PWWP3A: variants seen among roughly 807,000 people sequenced by gnomAD.
PWWP3A encodes the protein PWWP domain-containing DNA repair factor 3A.
In PWWP3A, 53 loss-of-function variants were observed where a neutral mutation model predicts 79.0. The ratio of observed to expected loss-of-function variants is 0.67; its 90% CI spans 0.54 to 0.84. The LOEUF (loss-of-function observed/expected upper bound fraction) is 0.84. Among genes scored for constraint, PWWP3A ranks in the 40% least tolerant of loss-of-function variants. The pLI is 0.00. For synonymous variants in PWWP3A, 443 were observed against 394.4 expected, an observed-to-expected ratio of 1.12 and a Z score of -1.46; for missense variants, 973 against 948.0, an observed-to-expected ratio of 1.03 and a Z score of -0.35.
intron 3 of PWWP3A, chr19:1,358,188 GGA>G: frequency 6.0e-6 from 3 of 496,248 alleles, no homozygotes; most frequent in Admixed American, 3.8e-5. Flanking sequence ...TGTCTTAAAA[GGA>G]AAAAAAAAAA....
At chr19:1,371,972 T>G (rs1007477024) in intron 12 of PWWP3A, 1 of 153,802 alleles carries the variant, frequency 6.5e-6, no homozygotes, top group Non-Finnish European at 1.4e-5. Flanking sequence ...GCCCGGCTAA[T>G]TTTTTGTATT....
chr19:1,361,143 T>C (rs941577093), intron 5 of PWWP3A, 111 bp downstream of exon 5: 2 of 1,116,382 alleles, frequency 1.8e-6, no homozygotes, highest in Non-Finnish European at 2.3e-6. Flanking sequence ...AATGAGATCG[T>C]TGCCAAAATA....
chr19:1,376,294 TGTTTTTTTTTTTGTTTG>T (rs1162374444), intron 13 of PWWP3A, among the ~76,000 whole-genome samples: 19 of 92,832 alleles, frequency 2.0e-4, no homozygotes, highest in Admixed American at 1.7e-3. Flanking sequence ...CCCGGCTGTT[TGTTTTTTTTTTTGTTTG>T]TTTTTTTTTT....
In PWWP3A at chr19:1,360,454, A is replaced by C. The variant is rs780784692; in HGVS notation, c.533A>C (p.Lys178Thr). Residue 178 changes from lysine to threonine, a missense_variant, in exon 5 of 14, where the codon AAG becomes ACG. Lys to Thr is a moderately conservative substitution (Grantham distance 78). Transcript: ENST00000591337. The surrounding 1 kb of genome is among the most constrained non-coding windows in gnomAD (Gnocchi z 4.4). ...KDPECKVDHK[K>T]GLRKSENPRG... is the part of the protein sequence containing the mutation. ...CCCGAGTGCAAAGTGGACCACAAGA[A>C]GGGGCTCAGGAAAAGTGAAAACCCA... 1.2e-6 allele frequency: 2 copies of C among 1,614,152 alleles called. No individual in the cohort carries two copies. The highest frequency in any genetic ancestry group is 1.7e-6 in the Non-Finnish European group (2 of 1,180,022).
chr19:1,356,295 T>C (rs1345456836), intron 1 of PWWP3A, 29 bp from the exon 2 acceptor site: 1 of 1,218,932 alleles, frequency 8.2e-7, no homozygotes, highest in Non-Finnish European at 1.2e-6. Context: ...CAAACAGTTG[T>C]ATAAACCACC....
Position 1,371,055 on chromosome 19 carries a change from A to G in PWWP3A, c.1963A>G (p.Ile655Val). 2 of 1,569,374 alleles carry G rather than the reference A, an allele frequency of 1.3e-6. No homozygotes were observed. Among genetic ancestry groups the G allele is most frequent in the Non-Finnish European group, 8.6e-7 (1 of 1,156,838 alleles). ...QRTNGDRIRFILDVLLPEAII... is the reference protein window; with the variant it reads ...QRTNGDRIRFVLDVLLPEAII... Reference sequence around the variant, plus strand: ...CACCAACGGCGACCGGATCCGGTTCATTCTGGACGTGCTTCTGCCCGAGGT... The same window carrying G: ...CACCAACGGCGACCGGATCCGGTTCGTTCTGGACGTGCTTCTGCCCGAGGT... The change falls in exon 12 of 14, where the codon ATT becomes GTT. Residue 655 changes from isoleucine (I) to valine (V), a missense_variant. Transcript: ENST00000591337.
intron 6 of PWWP3A, 43 bp from the exon 7 acceptor site, chr19:1,364,466 G>C: frequency 6.8e-7 from 1 of 1,468,156 alleles, no homozygotes; most frequent in Non-Finnish European, 9.4e-7. Flanking sequence ...GATTTGACTT[G>C]TCTATTCTTT....
chr19:1,367,132 G>C (rs1331910814), intron 8 of PWWP3A, 28 bp from the exon 9 acceptor site: 3 of 1,592,580 alleles, frequency 1.9e-6, no homozygotes, highest in Non-Finnish European at 8.6e-7. Context: ...GTTCATTCAT[G>C]TTAACTTTTC....
chr19:1,358,492 A>G (rs1174230292), intron 4 of PWWP3A, 28 bp downstream of exon 4: 1 of 1,611,630 alleles, frequency 6.2e-7, no homozygotes, highest in South Asian at 1.1e-5. Flanking sequence ...AGTGGCCACT[A>G]GGTTTTCATA....
intron 5 of PWWP3A, 43 bp from the exon 6 acceptor site, chr19:1,362,207 A>G (rs1223490522): frequency 4.5e-6 from 7 of 1,539,506 alleles, no homozygotes; most frequent in Admixed American, 3.6e-5. Flanking sequence ...AGTCATCAAG[A>G]CAATGCAATG....
rs745418292 is a variant in PWWP3A at position 1,371,009 on chromosome 19, G to A, written c.1917G>A (p.Val639=). ...ACCTGCAGGGCGTCTACCAGGAGGT[G>A]GGGGCCAAGGTGCTCCAGCGCACCA... ...VKYLQGVYQE[V]GAKVLQRTNG... Residue 639 remains valine, a synonymous_variant, in exon 12 of 14, where the codon GTG becomes GTA. Transcript: ENST00000591337. The A allele has an allele frequency of 1.9e-6, 3 of 1,572,672 alleles. No homozygotes were observed. Among genetic ancestry groups the A allele is most frequent in the Admixed American group, 1.9e-5 (1 of 53,690 alleles).
At chr19:1,355,959 T>G (rs1218118924) in intron 1 of PWWP3A, among the ~76,000 whole-genome samples, 1 of 151,872 alleles carries the variant, frequency 6.6e-6, no homozygotes, top group Admixed American at 6.6e-5. Flanking sequence ...AACTGTTAAC[T>G]CCCCAAATTG....
At position 1,369,499 on chromosome 19, in the gene PWWP3A, T is replaced by C; in HGVS notation, c.1499-97T>C. ...GGCTGGGGTTCTGGCCTGGCCTGATTATTTCCTAAACAGAGACGCCGGGCC... is the reference window on the plus strand; with the variant it reads ...GGCTGGGGTTCTGGCCTGGCCTGATCATTTCCTAAACAGAGACGCCGGGCC... On this transcript the variant is annotated intron_variant, in intron 10 of 13. Transcript: ENST00000591337. The surrounding 1 kb of genome is among the most constrained non-coding windows in gnomAD (Gnocchi z 4.0). 2 of 1,539,392 alleles carry C rather than the reference T, an allele frequency of 1.3e-6. No individual in the cohort carries two copies. The highest frequency in any genetic ancestry group is 1.8e-6 in the Non-Finnish European group (2 of 1,113,764).
At position 1,362,295 on chromosome 19, in the gene PWWP3A, C is replaced by G. The variant is rs1367431312; in HGVS notation, c.1157C>G (p.Ser386Cys). 3.7e-6 allele frequency: 6 copies of G among 1,614,002 alleles called. No individual in the cohort carries two copies. The highest frequency in any genetic ancestry group is 2.2e-5 in the East Asian group (1 of 44,886). The change falls in exon 6 of 14, where the codon TCT (serine) becomes TGT (cysteine). Residue 386 changes from serine to cysteine, a missense_variant. By Grantham distance (112) the Ser-to-Cys change is moderately radical. Transcript: ENST00000591337. ...EESMGSNSMR[S>C]ILEEDEEDEE... ...TCCATGGGGTCTAATTCCATGCGTT[C>G]TATCCTGGAGGAAGACGAGGAAGAC...
intron 12 of PWWP3A, chr19:1,372,449 TC>T (rs1192638734): frequency 6.6e-6 from 1 of 151,892 alleles, no homozygotes; most frequent in Non-Finnish European, 1.5e-5. Flanking sequence ...TTCAGGATAC[TC>T]TTTTTTTTTT....
At chr19:1,376,492 T>G (rs763689632) in intron 13 of PWWP3A, 27 bp from the exon 14 acceptor site, 7 of 1,610,722 alleles carry the variant, frequency 4.3e-6, no homozygotes, top group Non-Finnish European at 5.9e-6. Flanking sequence ...GATTAATTAC[T>G]AAAATGAAGA....
intron 1 of PWWP3A, 26 bp downstream of exon 1, chr19:1,355,161 G>C (rs1284432687): frequency 6.6e-6 from 1 of 152,274 alleles, no homozygotes; most frequent in Non-Finnish European, 1.5e-5. Context: ...GCGTCCCCTC[G>C]GTTCCGCCGG....
rs2082197624 is a variant in PWWP3A at position 1,369,227 on chromosome 19, G to A, written c.1423-38G>A. On this transcript the variant is annotated intron_variant, in intron 9 of 13. Transcript: ENST00000591337. This position sits in a 1 kb window ranked among gnomAD's most constrained non-coding sequence, Gnocchi z 4.0. ...TTCTGAACCCAGGGTGCTTGGCACT[G>A]CCTCCCACTGACGCCTGCTGCCCGG... The A allele has an allele frequency of 6.2e-7, 1 of 1,605,654 alleles. No individual in the cohort carries two copies. Among genetic ancestry groups the A allele is most frequent in the Non-Finnish European group, 8.5e-7 (1 of 1,173,066 alleles).
At chr19:1,367,482 C>G (rs11669132) in intron 9 of PWWP3A, among the ~76,000 whole-genome samples, 20,298 of 152,242 alleles carry the variant, frequency 0.13, 1,362 homozygotes, top group Middle Eastern at 0.18. Flanking sequence ...CCGGCGAGGA[C>G]AGTTTACCCA....
Sources: gnomAD v4.1 joint callset for allele counts (sites outside exome capture counted in the v4.1 genomes callset) on GRCh38, gnomAD v4.1.1 for gene constraint, Gnocchi (gnomAD v3.1) non-coding constraint, MANE v1.5 for transcripts, NCBI Gene and HGNC (gene_info 2026-07-23, HGNC 2026-07-21) for gene names.